The following KIF24 variants were observed in gnomAD, a reference collection of about 807,000 sequenced individuals.
KIF24 encodes the protein kinesin-like protein KIF24.
In KIF24, 81 loss-of-function variants were observed where a neutral mutation model predicts 118.9. The ratio of observed to expected loss-of-function variants is 0.68; its 90% CI spans 0.57 to 0.82. The LOEUF (loss-of-function observed/expected upper bound fraction) is 0.82, where lower values mean the gene tolerates loss of function less well. Among genes scored for constraint, KIF24 ranks in the 40% least tolerant of loss-of-function variants. KIF24 has a pLI of 0.00. For synonymous variants in KIF24, 599 were observed against 610.0 expected (o/e 0.98, Z 0.27); for missense variants, 1,560 against 1,661.6 (o/e 0.94, Z 1.06).
chr9:34,255,532 C>T (rs1834792447), intron 11 of KIF24, among the ~76,000 whole-genome samples: 1 of 152,202 alleles, frequency 6.6e-6, no homozygotes, highest in South Asian at 2.1e-4. Context: ...ATACTTGGCA[C>T]AAGATGGAGC....
At chr9:34,295,474 C>T (rs1335028042) in intron 4 of KIF24, among the ~76,000 whole-genome samples, 1 of 151,992 alleles carries the variant, frequency 6.6e-6, no homozygotes, top group African/African-American at 2.4e-5. Flanking sequence ...CCCAGAAATT[C>T]AAGACTAGCC....
At chr9:34,307,629 CG>C (rs1179494847) in intron 2 of KIF24, among the ~76,000 whole-genome samples, 2 of 151,728 alleles carry the variant, frequency 1.3e-5, no homozygotes, top group Admixed American at 6.6e-5. Context: ...AACTGGATGA[CG>C]GGCCAGGTGC....
At chr9:34,286,573 T>G in intron 6 of KIF24, 44 bp downstream of exon 6, 1 of 1,371,524 alleles carries the variant, frequency 7.3e-7, no homozygotes, top group Non-Finnish European at 1.0e-6. Context: ...TTCCCTGTAC[T>G]TACACTGTTG....
chr9:34,302,775 A>ATTT (rs745922271), intron 3 of KIF24, among the ~76,000 whole-genome samples: 2 of 125,124 alleles, frequency 1.6e-5, no homozygotes, highest in East Asian at 2.4e-4. Flanking sequence ...CCACCAGCTA[A>ATTT]TTTTTTTTTT....
intron 6 of KIF24, among the ~76,000 whole-genome samples, chr9:34,274,910 C>A (rs1322900544): frequency 1.3e-5 from 2 of 150,800 alleles, no homozygotes; most frequent in African/African-American, 4.9e-5. Context: ...ACAAACATCA[C>A]ATGTTCTCAC....
intron 9 of KIF24, among the ~76,000 whole-genome samples, chr9:34,262,659 AAAAAAAAAAAAAAAAAATATATATAT>A (rs1835104308): frequency 5.3e-5 from 2 of 37,898 alleles, no homozygotes; most frequent in South Asian, 1.0e-3. Context: ...AAAAAAAAAA[AAAAAAAAAAAAAAAAAATATATATAT>A]ATATATATAT....
intron 8 of KIF24, 129 bp downstream of exon 8, chr9:34,269,128 G>A: frequency 2.0e-6 from 1 of 505,322 alleles, no homozygotes; most frequent in Non-Finnish European, 3.5e-6. Context: ...TCCAACCCTG[G>A]CATTCTATTA....
intron 5 of KIF24, among the ~76,000 whole-genome samples, chr9:34,288,212 A>G (rs905317413): frequency 5.9e-5 from 9 of 152,144 alleles, no homozygotes; most frequent in Non-Finnish European, 8.8e-5. Flanking sequence ...TTGGTCAGGC[A>G]CAGTGGCTGA....
chr9:34,265,835 T>G (rs915005152), intron 8 of KIF24, among the ~76,000 whole-genome samples: 12 of 152,010 alleles, frequency 7.9e-5, no homozygotes, highest in African/African-American at 2.9e-4. Flanking sequence ...AAATAAAAAC[T>G]GTGTAATTTT....
chr9:34,315,908 A>G (rs1312454044), intron 1 of KIF24, among the ~76,000 whole-genome samples: 2 of 152,094 alleles, frequency 1.3e-5, no homozygotes, highest in Non-Finnish European at 2.9e-5. Flanking sequence ...GTGCGCCTGT[A>G]ATCCCAGCTA....
intron 4 of KIF24, among the ~76,000 whole-genome samples, chr9:34,296,211 T>A (rs1836467523): frequency 8.0e-6 from 1 of 125,686 alleles, no homozygotes; most frequent in African/African-American, 3.1e-5. Flanking sequence ...AGAGTGAGAC[T>A]CTGTCTCAAA....
upstream of KIF24, among the ~76,000 whole-genome samples, chr9:34,333,644 CAAAAAAAAAAAAA>C (rs34830977): frequency 1.5e-4 from 7 of 47,090 alleles, no homozygotes; most frequent in African/African-American, 3.5e-4. Flanking sequence ...GAGACATTGT[CAAAAAAAAAAAAA>C]AAAAAAAAAA....
chr9:34,283,329 G>T (rs950376307), intron 6 of KIF24, among the ~76,000 whole-genome samples: 1 of 151,806 alleles, frequency 6.6e-6, no homozygotes, highest in Non-Finnish European at 1.5e-5. Context: ...CTGAAATCGC[G>T]CCAATGCACT....
chr9:34,256,685 C>G lies in KIF24; in HGVS notation c.2922G>C (p.Glu974Asp). ...CTTCCTCTGGGGATGGCAAGTTGCC[C>G]TCATTCTCCCCAGAAACCTCACTTT... is the stretch of plus-strand genomic sequence containing the variant. ...ASQSEVSGEN[E>D]GNLPSPEEDG... is the part of the protein sequence containing the mutation. Residue 974 changes from glutamate to aspartate, a missense_variant, in exon 11 of 13, where the codon GAG (glutamate) becomes GAC (aspartate). Around this residue, in one of 3 missense-constraint regions of KIF24, gnomAD observed 591 missense variants for 655.6 expected, o/e 0.90. Coordinates refer to ENST00000402558, the MANE Select transcript of KIF24 (RefSeq NM_194313.4). 6.2e-7 allele frequency: 1 copy of G among 1,613,990 alleles called. No homozygotes were observed. Among genetic ancestry groups the G allele is most frequent in the Non-Finnish European group, 8.5e-7 (1 of 1,179,886 alleles).
chr9:34,301,126 T>G (rs1398179154), intron 3 of KIF24, among the ~76,000 whole-genome samples: 2 of 152,220 alleles, frequency 1.3e-5, no homozygotes, highest in Non-Finnish European at 2.9e-5. Context: ...TTATTATAGT[T>G]AATGTATATA....
chr9:34,308,784 A>G (rs1438250821), intron 2 of KIF24, among the ~76,000 whole-genome samples: 1 of 152,160 alleles, frequency 6.6e-6, no homozygotes, highest in Non-Finnish European at 1.5e-5. Flanking sequence ...GTTTTTTTAA[A>G]AAGCTCTAGT....
chr9:34,321,767 T>G (rs1165250195), intron 1 of KIF24, among the ~76,000 whole-genome samples: 1 of 151,868 alleles, frequency 6.6e-6, no homozygotes, highest in Non-Finnish European at 1.5e-5. Flanking sequence ...CCACCAAACC[T>G]GACTAATTTT....
rs146864118 is a variant in KIF24 at position 34,256,115 on chromosome 9, G to A, written c.3492C>T (p.His1164=). Residue 1164 remains histidine (H), a synonymous_variant, in exon 11 of 13, where the codon CAC becomes CAT. Transcript: ENST00000402558. ...CQSRETVLFS[H]EHMGSEQYDA... is the part of the protein sequence containing the mutation. ...CATACTGCTCACTACCCATGTGTTC[G>A]TGGGAGAAAAGTACAGTCTCTCTGC... The A allele has an allele frequency of 4.7e-4, 758 of 1,610,334 alleles. 6 individuals carry two copies. Among genetic ancestry groups the A allele is most frequent in the South Asian group, 4.3e-3 (387 of 90,992 alleles).
At chr9:34,327,720 T>C (rs1028554653) in intron 1 of KIF24, among the ~76,000 whole-genome samples, 9 of 151,940 alleles carry the variant, frequency 5.9e-5, no homozygotes, top group African/African-American at 2.2e-4. Context: ...ATTCTTTGAT[T>C]TTCCAGATGG....
Sources: gnomAD v4.1 joint callset for allele counts (sites outside exome capture counted in the v4.1 genomes callset) on GRCh38, gnomAD v4.1.1 for gene constraint, gnomAD v4.1.1 regional missense constraint, MANE v1.5 for transcripts, NCBI Gene and HGNC (gene_info 2026-07-23, HGNC 2026-07-21) for gene names.